Variants in SRGAP1 observed in about 807,000 individuals in gnomAD.
SRGAP1 encodes SLIT-ROBO Rho GTPase activating protein 1, also known as SLIT-ROBO Rho GTPase-activating protein 1.
SRGAP1 carries 43 observed loss-of-function variants against 121.9 expected under a neutral mutation model. The ratio of observed to expected loss-of-function variants is 0.35; its 90% CI spans 0.28 to 0.46. The LOEUF (loss-of-function observed/expected upper bound fraction) is 0.46, where lower values mean the gene tolerates loss of function less well. Ranked by LOEUF, SRGAP1 falls within the 20% of genes least tolerant of loss-of-function variation. SRGAP1 has a pLI of 1.00. For synonymous variants in SRGAP1, 447 were observed against 485.4 expected (o/e 0.92, Z 1.04); for missense variants, 1,102 against 1,350.9 (o/e 0.82, Z 2.89).
chr12:64,039,287 C>A (rs1250768459), intron 4 of SRGAP1, among the ~76,000 whole-genome samples: 2 of 152,152 alleles, frequency 1.3e-5, no homozygotes, highest in Non-Finnish European at 2.9e-5. Flanking sequence ...TTGTGCTGAA[C>A]CACATTATGA....
chr12:63,864,733 G>A (rs969919013), intron 1 of SRGAP1, among the ~76,000 whole-genome samples: 1 of 152,126 alleles, frequency 6.6e-6, no homozygotes, highest in Non-Finnish European at 1.5e-5. Flanking sequence ...GCCAAGAGGA[G>A]CCTAAGGAGT....
chr12:64,065,309 C>T (rs575789816), intron 8 of SRGAP1, 90 bp downstream of exon 8: 1 of 1,111,978 alleles, frequency 9.0e-7, no homozygotes, highest in Non-Finnish European at 1.3e-6. Flanking sequence ...ATTTAATATT[C>T]AAGATTCAAC....
chr12:64,053,299 G>C (rs1313610587), intron 6 of SRGAP1, among the ~76,000 whole-genome samples: 1 of 152,208 alleles, frequency 6.6e-6, no homozygotes, highest in East Asian at 1.9e-4. Context: ...TAGATAATAA[G>C]TAAGCAAACG....
chr12:63,865,998 A>G (rs1490522824), intron 1 of SRGAP1, among the ~76,000 whole-genome samples: 1 of 152,132 alleles, frequency 6.6e-6, no homozygotes, highest in Non-Finnish European at 1.5e-5. Flanking sequence ...TCAACATCCG[A>G]TGGAGAAATA....
intron 3 of SRGAP1, among the ~76,000 whole-genome samples, chr12:64,012,518 C>T (rs1374073875): frequency 3.4e-5 from 5 of 147,252 alleles, no homozygotes; most frequent in African/African-American, 5.0e-5. Flanking sequence ...CAAGGGTCTG[C>T]TCTCACTGCT....
intron 2 of SRGAP1, among the ~76,000 whole-genome samples, chr12:63,988,881 G>C (rs975387807): frequency 2.0e-5 from 3 of 152,148 alleles, no homozygotes; most frequent in African/African-American, 7.2e-5. Flanking sequence ...CACAATCTCG[G>C]CTCGCTGCAA....
intron 1 of SRGAP1, among the ~76,000 whole-genome samples, chr12:63,918,985 A>G (rs2030916412): frequency 7.0e-6 from 1 of 142,002 alleles, no homozygotes; most frequent in Non-Finnish European, 1.5e-5. Flanking sequence ...AATGAAGTTC[A>G]GAGAAGAGGT....
chr12:64,009,091 G>T lies in SRGAP1; in HGVS notation c.427-7859G>T, dbSNP rs1419770846. Among the ~76,000 whole-genome samples the T allele has an allele frequency of 2.0e-5, 3 of 152,110 alleles. No homozygotes were observed. In the East Asian group the frequency reaches 5.8e-4, roughly 29 times the overall value. ...AGGCTCAAGTTCATGCACTAAAGAA[G>T]ACATATTATTATGGTAATAGTGAGA... On this transcript the variant is annotated intron_variant, in intron 3 of 21. Transcript: ENST00000355086.
In SRGAP1 at chr12:64,159,981, A is replaced by C. The variant is rs2037198002; in HGVS notation, c.*17309A>C. 6.6e-6 allele frequency: 1 copy of C among 151,882 alleles called. No individual in the cohort carries two copies. The highest frequency in any genetic ancestry group is 1.5e-5 in the Non-Finnish European group (1 of 67,970). 9.4% of individuals were successfully genotyped at this position (151,882 alleles called of 1,614,324 possible). A position where few individuals can be genotyped will look rare whatever the true frequency, so the allele number is the denominator to read the frequency against. On this transcript the variant is annotated 3_prime_UTR_variant, in exon 22 of 22. Coordinates refer to ENST00000355086, the MANE Select transcript of SRGAP1 (RefSeq NM_020762.4). The stretch of plus-strand genomic sequence containing the variant: ...TGGAGTTCATAATTACCTTTGTTTC[A>C]TTTGCTTAGCTTTCTATTTACATAA...
At chr12:64,109,229 C>G (rs1195814244) in intron 16 of SRGAP1, 192 bp downstream of exon 16, 1 of 378,624 alleles carries the variant, frequency 2.6e-6, no homozygotes, top group African/African-American at 2.1e-5. Flanking sequence ...AAGCCCTACC[C>G]CAGATGTAAA....
chr12:63,989,740 G>A (rs757910243), intron 2 of SRGAP1, among the ~76,000 whole-genome samples, 170 bp from the exon 3 acceptor site: 2 of 152,222 alleles, frequency 1.3e-5, no homozygotes, highest in Non-Finnish European at 2.9e-5. Context: ...TCCACAGGCT[G>A]GAAGCCTGTT....
At chr12:63,989,573 A>G (rs569986875) in intron 2 of SRGAP1, among the ~76,000 whole-genome samples, 1 of 152,372 alleles carries the variant, frequency 6.6e-6, no homozygotes, top group African/African-American at 2.4e-5. Flanking sequence ...TTATGTAAAC[A>G]TAAATTGCTT....
chr12:64,132,848 G>C (rs1016897980), intron 21 of SRGAP1, among the ~76,000 whole-genome samples: 3 of 152,262 alleles, frequency 2.0e-5, no homozygotes, highest in Non-Finnish European at 4.4e-5. Context: ...CCCTGAGGTA[G>C]GACAGTAAAG....
At chr12:64,029,123 T>C (rs1162251103) in intron 4 of SRGAP1, among the ~76,000 whole-genome samples, 1 of 152,198 alleles carries the variant, frequency 6.6e-6, no homozygotes, top group Non-Finnish European at 1.5e-5. Context: ...TGGAATGGGC[T>C]GTCTTTTAGG....
intron 4 of SRGAP1, among the ~76,000 whole-genome samples, 163 bp downstream of exon 4, chr12:64,017,175 G>A (rs899379120): frequency 2.6e-5 from 4 of 152,128 alleles, no homozygotes; most frequent in Non-Finnish European, 4.4e-5. Context: ...ACATTCCTTC[G>A]CCACTCCATT....
intron 1 of SRGAP1, among the ~76,000 whole-genome samples, chr12:63,949,400 TTATTATTATTA>T (rs1565964895): frequency 0.026 from 355 of 13,550 alleles, no homozygotes; most frequent in Middle Eastern, 0.11. Flanking sequence ...TTATTATTTA[TTATTATTATTA>T]TTATTATTAT....
At chr12:63,845,541 C>T (rs1898874925) in intron 1 of SRGAP1, among the ~76,000 whole-genome samples, 1 of 152,166 alleles carries the variant, frequency 6.6e-6, no homozygotes, top group African/African-American at 2.4e-5. Flanking sequence ...TTCTGGAAGC[C>T]ACTTGCATGT....
At chr12:63,997,722 A>G (rs181249970) in intron 3 of SRGAP1, among the ~76,000 whole-genome samples, 4 of 152,258 alleles carry the variant, frequency 2.6e-5, no homozygotes, top group Admixed American at 1.3e-4. Context: ...GGAAAACCCT[A>G]TCCAGTAAAT....
chr12:64,021,058 G>T (rs1371043700), intron 4 of SRGAP1, among the ~76,000 whole-genome samples: 1 of 151,846 alleles, frequency 6.6e-6, no homozygotes, highest in Admixed American at 6.6e-5. Flanking sequence ...AAACCCCATT[G>T]TAAGGTTTGT....
Sources: gnomAD v4.1 joint callset for allele counts (sites outside exome capture counted in the v4.1 genomes callset) on GRCh38, gnomAD v4.1.1 for gene constraint, MANE v1.5 for transcripts, NCBI Gene and HGNC (gene_info 2026-07-23, HGNC 2026-07-21) for gene names.